The following DOP1B variants were observed in gnomAD, a reference collection of about 807,000 sequenced individuals.
DOP1B encodes the protein protein DOP1B.
DOP1B carries 174 observed loss-of-function variants against 233.5 expected under a neutral mutation model. The ratio of observed to expected loss-of-function variants is 0.75; its 90% CI spans 0.66 to 0.85. DOP1B has a LOEUF of 0.85. DOP1B is among the 40% of genes least tolerant of loss of function. The probability of loss-of-function intolerance (pLI) is 0.00; values close to 1 mark genes in which losing one functional copy is unlikely to be tolerated. For synonymous variants in DOP1B, 1,190 were observed against 1,185.6 expected (o/e 1.00, Z -0.08); for missense variants, 2,652 against 2,846.6 (o/e 0.93, Z 1.56).
intron 27 of DOP1B, among the ~76,000 whole-genome samples, chr21:36,275,477 G>A (rs62232380): frequency 0.41 from 62,853 of 151,752 alleles, 13,118 homozygotes; most frequent in Middle Eastern, 0.5. Flanking sequence ...AAAAATTACA[G>A]CCTGTAGTAA....
chr21:36,201,069 C>T (rs902215584), intron 4 of DOP1B, among the ~76,000 whole-genome samples: 1 of 152,064 alleles, frequency 6.6e-6, no homozygotes, highest in Admixed American at 6.6e-5. Context: ...TGCAGGGTTC[C>T]CATGATGTCC....
chr21:36,204,658 A>ATT (rs56725433), intron 4 of DOP1B, among the ~76,000 whole-genome samples: 6 of 115,174 alleles, frequency 5.2e-5, no homozygotes, highest in Middle Eastern at 5.3e-3. Context: ...TGACATTTCT[A>ATT]TTTTTTTTTT....
intron 27 of DOP1B, among the ~76,000 whole-genome samples, chr21:36,274,034 C>T (rs1044234340): frequency 2.0e-5 from 3 of 152,002 alleles, no homozygotes; most frequent in Non-Finnish European, 2.9e-5. Context: ...GCCGAGATCG[C>T]GCCGCTCCAC....
At chr21:36,242,152 A>ATTATTGTTG (rs1391723320) in intron 18 of DOP1B, among the ~76,000 whole-genome samples, 12 of 67,470 alleles carry the variant, frequency 1.8e-4, no homozygotes, top group Non-Finnish European at 2.3e-4. Flanking sequence ...TTCCTTGGGC[A>ATTATTGTTG]TTATTATTAT....
At chr21:36,272,485 A>G (rs906646429) in intron 27 of DOP1B, among the ~76,000 whole-genome samples, 6 of 151,710 alleles carry the variant, frequency 4.0e-5, no homozygotes, top group African/African-American at 1.5e-4. Flanking sequence ...CTCCATCTCT[A>G]CTAAAAATAC....
chr21:36,292,231 G>T lies in DOP1B; in HGVS notation c.6643G>T (p.Gly2215Trp). 1 of 1,581,268 alleles carries T rather than the reference G, an allele frequency of 6.3e-7. No homozygotes were observed. The highest frequency in any genetic ancestry group is 8.5e-7 in the Non-Finnish European group (1 of 1,170,304). The change falls in exon 36 of 37, where the codon GGG (glycine) becomes TGG (tryptophan). Residue 2215 changes from glycine (G) to tryptophan (W), a missense_variant and splice_region_variant. Transcript: ENST00000691173. ...TCTAGAACTTCTAAAATTAAAGTTT[G>T]GGGTAAGTGCTTTTCTTTTCTTTTC... ...RILELLKLKF[G>W]EISSSDEITM...
intron 27 of DOP1B, among the ~76,000 whole-genome samples, chr21:36,271,762 C>T (rs1293497187): frequency 2.0e-5 from 3 of 151,936 alleles, no homozygotes; most frequent in Non-Finnish European, 4.4e-5. Context: ...TTTACCTGGA[C>T]ATGGTGATAG....
Position 36,172,987 on chromosome 21 carries a change from G to A in DOP1B, c.138+8116G>A, listed in dbSNP as rs755728583. On this transcript the variant is annotated intron_variant, in intron 2 of 36. Coordinates refer to ENST00000691173, the MANE Select transcript of DOP1B (RefSeq NM_001320714.2). The stretch of plus-strand genomic sequence containing the variant: ...TAAAAAAAATTAGCCAGGCATCGTG[G>A]CGAATGCCTGTAGTCCCAGCTACTT... Among the ~76,000 whole-genome samples the A allele has an allele frequency of 5.8e-4, 88 of 152,084 alleles. 1 individual carries two copies. Among genetic ancestry groups the A allele is most frequent in the African/African-American group, 1.9e-3 (80 of 41,410 alleles).
intron 24 of DOP1B, 129 bp from the exon 25 acceptor site, chr21:36,263,417 A>T: frequency 1.3e-6 from 1 of 742,260 alleles, no homozygotes; most frequent in South Asian, 1.9e-5. Context: ...GTTTTTAAAA[A>T]GAAAAAGGTC....
intron 8 of DOP1B, 23 bp from the exon 9 acceptor site, chr21:36,214,419 A>G (rs925268365): frequency 2.1e-5 from 33 of 1,597,368 alleles, no homozygotes; most frequent in Non-Finnish European, 2.7e-5. Flanking sequence ...ATATTCTAAT[A>G]TGTGGCTTTT....
At chr21:36,204,591 C>T (rs1238784029) in intron 4 of DOP1B, among the ~76,000 whole-genome samples, 1 of 152,040 alleles carries the variant, frequency 6.6e-6, no homozygotes, top group African/African-American at 2.4e-5. Flanking sequence ...TAAAACGATC[C>T]TCCGGCCTCA....
intron 2 of DOP1B, among the ~76,000 whole-genome samples, chr21:36,185,712 T>C (rs762132691): frequency 3.3e-5 from 5 of 152,216 alleles, no homozygotes; most frequent in Non-Finnish European, 7.3e-5. Flanking sequence ...CGGAAGGTAC[T>C]GTACAGCATC....
chr21:36,166,916 G>A (rs934467666), intron 2 of DOP1B, among the ~76,000 whole-genome samples: 7 of 152,196 alleles, frequency 4.6e-5, no homozygotes, highest in East Asian at 1.9e-4. Context: ...TCACGGCTCC[G>A]TGCTGGCTGG....
intron 23 of DOP1B, among the ~76,000 whole-genome samples, chr21:36,254,717 G>A (rs932211920): frequency 1.8e-5 from 2 of 113,524 alleles, no homozygotes; most frequent in Non-Finnish European, 3.7e-5. Flanking sequence ...CTCTAAGAAA[G>A]GGAGGTCAGG....
At chr21:36,159,076 G>A (rs2065846657) in intron 1 of DOP1B, among the ~76,000 whole-genome samples, 1 of 152,102 alleles carries the variant, frequency 6.6e-6, no homozygotes, top group African/African-American at 2.4e-5. Context: ...AGGTTGCAGT[G>A]AGCCAAGATC....
intron 2 of DOP1B, among the ~76,000 whole-genome samples, chr21:36,166,329 C>T (rs1471392477): frequency 6.6e-6 from 1 of 151,762 alleles, no homozygotes; most frequent in Non-Finnish European, 1.5e-5. Flanking sequence ...CCCAGCTTCT[C>T]AGGAGGCTGA....
intron 14 of DOP1B, among the ~76,000 whole-genome samples, chr21:36,231,348 G>A (rs937410019): frequency 2.6e-5 from 4 of 152,242 alleles, no homozygotes; most frequent in Admixed American, 1.3e-4. Context: ...TGTTTCCTTC[G>A]AGCATCATGT....
chr21:36,188,230 A>C (rs554628109), intron 2 of DOP1B, among the ~76,000 whole-genome samples: 9 of 152,322 alleles, frequency 5.9e-5, no homozygotes, highest in African/African-American at 1.7e-4. Context: ...CTTTCAGAGA[A>C]GGAAGCTCCT....
chr21:36,228,231 G>A (rs929972875), intron 13 of DOP1B, among the ~76,000 whole-genome samples: 6 of 152,042 alleles, frequency 3.9e-5, no homozygotes, highest in Non-Finnish European at 8.8e-5. Context: ...GGCAAGCTGA[G>A]GCGGGTGGAT....
Sources: gnomAD v4.1 joint callset for allele counts (sites outside exome capture counted in the v4.1 genomes callset) on GRCh38, gnomAD v4.1.1 for gene constraint, MANE v1.5 for transcripts, NCBI Gene and HGNC (gene_info 2026-07-23, HGNC 2026-07-21) for gene names.